The following PDE4D variants were observed in gnomAD, a reference collection of about 807,000 sequenced individuals.
The protein encoded by PDE4D is phosphodiesterase 4D.
PDE4D carries 24 observed loss-of-function variants against 87.4 expected under a neutral mutation model. That is an observed-to-expected ratio of 0.27 (90% CI 0.20 to 0.39). The LOEUF is 0.39. PDE4D is among the 10% of genes least tolerant of loss of function. PDE4D has a pLI of 1.00. For missense variants in PDE4D, 714 were observed against 1,041.0 expected (o/e 0.69, Z 4.32); for synonymous variants, 384 against 383.2 (o/e 1.00, Z -0.02).
intron 1 of PDE4D, among the ~76,000 whole-genome samples, chr5:59,322,505 C>T (rs1327857680): frequency 1.3e-5 from 2 of 152,096 alleles, no homozygotes; most frequent in Non-Finnish European, 2.9e-5. Context: ...CTGAGTTTGT[C>T]AAGAAGCTCA....
At chr5:59,344,795 T>C (rs1779358584) in intron 1 of PDE4D, among the ~76,000 whole-genome samples, 1 of 152,214 alleles carries the variant, frequency 6.6e-6, no homozygotes, top group Non-Finnish European at 1.5e-5. Flanking sequence ...CGTTTGATAT[T>C]GCTCTAATGT....
intron 3 of PDE4D, among the ~76,000 whole-genome samples, chr5:59,944,799 T>C (rs1757566829): frequency 6.6e-6 from 1 of 152,152 alleles, no homozygotes. Context: ...TCCTTTCCCC[T>C]TTCTACTATC....
intron 1 of PDE4D, among the ~76,000 whole-genome samples, chr5:59,758,898 A>G (rs1166028265): frequency 1.3e-5 from 2 of 152,158 alleles, no homozygotes; most frequent in African/African-American, 4.8e-5. Context: ...GTAAATGCCA[A>G]ATGCCTTTAT....
chr5:59,776,564 AC>A (rs1296101579), intron 1 of PDE4D, among the ~76,000 whole-genome samples: 4 of 152,184 alleles, frequency 2.6e-5, no homozygotes, highest in Non-Finnish European at 5.9e-5. Context: ...AACTTGGGAA[AC>A]TTTTTTCCCT....
intron 11 of PDE4D, among the ~76,000 whole-genome samples, chr5:58,986,369 A>G (rs1746416641): frequency 6.6e-6 from 1 of 152,202 alleles, no homozygotes; most frequent in Non-Finnish European, 1.5e-5. Context: ...AGGGTCCTCC[A>G]GGTGCCAGTC....
chr5:59,222,447 C>T (rs1311391380), intron 1 of PDE4D, among the ~76,000 whole-genome samples: 3 of 152,122 alleles, frequency 2.0e-5, no homozygotes, highest in African/African-American at 4.8e-5. Context: ...TTAGCACTGA[C>T]CCCCAGTATG....
At chr5:60,322,777 A>G (rs1442788691) in intron 1 of PDE4D, among the ~76,000 whole-genome samples, 1 of 152,038 alleles carries the variant, frequency 6.6e-6, no homozygotes, top group Admixed American at 6.6e-5. Context: ...CTCTTCTTAT[A>G]AGTTTTGTCT....
chr5:59,710,792 C>T (rs1754092822), intron 1 of PDE4D, among the ~76,000 whole-genome samples: 1 of 152,042 alleles, frequency 6.6e-6, no homozygotes, highest in Admixed American at 6.6e-5. Context: ...AGTCATATAA[C>T]CTAATTTCAA....
Position 59,768,115 on chromosome 5 carries a change from A to AT in PDE4D, c.455+125052dup, listed in dbSNP as rs369714702. ...TTTGTGGGATTTATGGTTAAGGGAG[A>AT]TCACTTGGCCATAAATCCCCGGTGA... On this transcript the variant is annotated intron_variant, in intron 1 of 14. Transcript: ENST00000340635. The AT allele has an allele frequency of 6.1e-5, 68 of 1,114,648 alleles. No individual in the cohort carries two copies. The African/African-American group carries it at 8.1e-4, about 13-fold the overall frequency. 69.0% of individuals were successfully genotyped at this position (1,114,648 alleles called of 1,614,324 possible).
chr5:59,944,938 C>T (rs1056079931), intron 3 of PDE4D, among the ~76,000 whole-genome samples: 2 of 152,136 alleles, frequency 1.3e-5, no homozygotes, highest in African/African-American at 4.8e-5. Context: ...CCAAATCTCA[C>T]AAAGAATATA....
At chr5:59,957,488 A>G (rs1188470679) in intron 3 of PDE4D, among the ~76,000 whole-genome samples, 1 of 152,034 alleles carries the variant, frequency 6.6e-6, no homozygotes, top group Admixed American at 6.6e-5. Context: ...CTTTTATCTG[A>G]AAATGTTATA....
chr5:59,185,886 A>C (rs1281175902), intron 3 of PDE4D, among the ~76,000 whole-genome samples: 1 of 152,170 alleles, frequency 6.6e-6, no homozygotes. Context: ...TACTCAATAA[A>C]AATTTGTTGA....
chr5:59,624,185 T>G (rs886930498), intron 1 of PDE4D, among the ~76,000 whole-genome samples: 7 of 152,180 alleles, frequency 4.6e-5, no homozygotes, highest in East Asian at 1.9e-4. Flanking sequence ...AATGGATCCA[T>G]GCACGCTCTT....
chr5:60,417,217 C>A (rs1158410852), intron 1 of PDE4D, among the ~76,000 whole-genome samples: 1 of 152,190 alleles, frequency 6.6e-6, no homozygotes, highest in Non-Finnish European at 1.5e-5. Flanking sequence ...ATTCTCCCCA[C>A]AGATTTATCT....
At chr5:59,368,675 A>G (rs1783470479) in intron 1 of PDE4D, among the ~76,000 whole-genome samples, 1 of 152,240 alleles carries the variant, frequency 6.6e-6, no homozygotes, top group Admixed American at 6.5e-5. Flanking sequence ...CAATGTATGC[A>G]GGAAGAGTTG....
At chr5:59,348,953 C>A (rs1015458287) in intron 1 of PDE4D, among the ~76,000 whole-genome samples, 2 of 151,970 alleles carry the variant, frequency 1.3e-5, no homozygotes, top group African/African-American at 4.8e-5. Context: ...TGGTAGGGTG[C>A]ACCTGTAGTC....
At chr5:60,429,926 T>C (rs975806673) in intron 1 of PDE4D, 16 of 454,332 alleles carry the variant, frequency 3.5e-5, no homozygotes, top group African/African-American at 8.0e-5. Context: ...ACACCGACTG[T>C]AGATTTTTTT....
At chr5:59,574,108 ATATATATATAAATATATATT>A (rs1561241362) in intron 1 of PDE4D, among the ~76,000 whole-genome samples, 2 of 32,370 alleles carry the variant, frequency 6.2e-5, no homozygotes, top group Admixed American at 3.9e-4. Flanking sequence ...ATATATTTAT[ATATATATATAAATATATATT>A]TATATATATA....
In PDE4D at chr5:59,960,440, C is replaced by T. The variant is rs1759337243; in HGVS notation, c.272+28048G>A. ...ACAGCACTATTTACAATAGCAAAGA[C>T]ATGGAAGCAACCTAGGTGCCCATCA... On this transcript the variant is annotated intron_variant, in intron 3 of 16. Transcript: ENST00000502484. 2.6e-5 allele frequency among the ~76,000 whole-genome samples: 4 copies of T among 152,228 alleles called. No homozygotes were observed. In the South Asian group the frequency reaches 6.2e-4, roughly 24 times the overall value.
Sources: allele counts gnomAD v4.1 joint callset (sites outside exome capture counted in the v4.1 genomes callset), GRCh38; gene constraint gnomAD v4.1.1; transcripts MANE v1.5; gene names NCBI Gene and HGNC (gene_info 2026-07-23, HGNC 2026-07-21).